The following SMTN variants were observed in gnomAD, a reference collection of about 807,000 sequenced individuals.
The protein encoded by SMTN is smoothelin.
In SMTN, 58 loss-of-function variants were observed where a neutral mutation model predicts 102.0. The observed-to-expected ratio is 0.57, with a 90% CI of 0.46 to 0.71. The LOEUF (loss-of-function observed/expected upper bound fraction) is 0.71. Among genes scored for constraint, SMTN ranks in the 30% least tolerant of loss-of-function variants. The pLI is 0.00. For synonymous variants in SMTN, 478 were observed against 497.9 expected (o/e 0.96, Z 0.53); for missense variants, 1,185 against 1,241.7 (o/e 0.95, Z 0.69).
chr22:31,096,962 T>C (rs1321880720), intron 14 of SMTN, 36 bp from the exon 15 acceptor site: 2 of 1,613,704 alleles, frequency 1.2e-6, no homozygotes, highest in Admixed American at 3.3e-5. Context: ...CAGCCCCCTG[T>C]GCCTTTCACA....
In SMTN at chr22:31,096,774, CG is replaced by C; in HGVS notation, c.1907del (p.Gly636AlafsTer57). 3.8e-6 allele frequency: 6 copies of C among 1,559,944 alleles called. No individual in the cohort carries two copies. Among genetic ancestry groups the C allele is most frequent in the Non-Finnish European group, 5.2e-6 (6 of 1,155,696 alleles). On this transcript the variant is annotated frameshift_variant, in exon 14 of 21. Transcript: ENST00000333137. LOFTEE classifies it high-confidence loss of function. ...KERERRLQEA[R>X]GRPGEGRGNT... ...GCGGGAACGGCGGCTGCAGGAGGCA[CG>C]GGGCCGGCCAGGGGAGGGGCGCGGC...
At chr22:31,087,091 T>C (rs1292956669) in intron 2 of SMTN, 3 of 152,286 alleles carry the variant, frequency 2.0e-5, no homozygotes, top group Non-Finnish European at 2.9e-5. Context: ...AGGGGAACCC[T>C]GGGCCAGTCC....
At chr22:31,075,342 T>C (rs1480547565) in intron 1 of SMTN, among the ~76,000 whole-genome samples, 2 of 152,176 alleles carry the variant, frequency 1.3e-5, no homozygotes, top group African/African-American at 2.4e-5. Flanking sequence ...AATTGAAGGC[T>C]GCCAAGTTCC....
intron 1 of SMTN, 96 bp from the exon 2 acceptor site, chr22:31,083,083 C>T (rs992604201): frequency 7.3e-6 from 11 of 1,498,644 alleles, no homozygotes; most frequent in African/African-American, 6.9e-5. Flanking sequence ...CAGTAATGGA[C>T]GCTCCTAGGT....
chr22:31,097,164 C>T lies in SMTN; in HGVS notation c.2089+104C>T. 3 of 1,496,140 alleles carry T rather than the reference C, an allele frequency of 2.0e-6. 1 individual carries two copies. In the South Asian group the frequency reaches 3.4e-5, roughly 17 times the overall value. The allele number at this position is 1,496,140 out of a possible 1,614,324, so 92.7% of individuals were successfully genotyped here. The stretch of plus-strand genomic sequence containing the variant: ...GTGTCTTCAACTGTGCCGTCACTTT[C>T]TCTTCTCTGCCTGCGGCTATCACCA... On this transcript the variant is annotated intron_variant, in intron 15 of 20. Transcript: ENST00000333137.
intron 1 of SMTN, among the ~76,000 whole-genome samples, chr22:31,075,744 C>T (rs2147500471): frequency 6.6e-6 from 1 of 151,708 alleles, no homozygotes; most frequent in Non-Finnish European, 1.5e-5. Flanking sequence ...AAGTAAGTTA[C>T]TGTGGGCTAA....
intron 2 of SMTN, among the ~76,000 whole-genome samples, chr22:31,087,606 C>G (rs1389084952): frequency 1.3e-5 from 2 of 152,224 alleles, no homozygotes; most frequent in Admixed American, 6.5e-5. Context: ...ACAGGGTGGC[C>G]TCCCTCCTCC....
intron 19 of SMTN, among the ~76,000 whole-genome samples, chr22:31,100,281 C>A (rs1023150541): frequency 8.5e-5 from 13 of 152,118 alleles, no homozygotes; most frequent in African/African-American, 2.4e-4. Flanking sequence ...AAAGGAGGCT[C>A]CTGGCCCGGG....
chr22:31,086,249 C>G (rs2042692530), intron 2 of SMTN, among the ~76,000 whole-genome samples: 1 of 152,226 alleles, frequency 6.6e-6, no homozygotes, highest in South Asian at 2.1e-4. Flanking sequence ...GACACACAGA[C>G]CCCAGTAGCA....
chr22:31,079,054 C>G (rs535848940), upstream of SMTN, among the ~76,000 whole-genome samples: 1 of 152,224 alleles, frequency 6.6e-6, no homozygotes, highest in Admixed American at 6.5e-5. Context: ...GGTGCCTTCA[C>G]CTCCCTGAGC....
At chr22:31,093,825 C>T (rs1360627883) in intron 11 of SMTN, 2 of 1,591,548 alleles carry the variant, frequency 1.3e-6, no homozygotes, top group African/African-American at 2.7e-5. Context: ...ACCCACCTGC[C>T]TTCAGCACCC....
intron 1 of SMTN, 83 bp from the exon 2 acceptor site, chr22:31,083,096 G>C (rs749412777): frequency 3.2e-5 from 49 of 1,527,368 alleles, no homozygotes; most frequent in Non-Finnish European, 4.2e-5. Flanking sequence ...TCCTAGGTTA[G>C]AGAGGGAAAG....
Position 31,088,792 on chromosome 22 carries a change from C to G in SMTN, c.373+15C>G, listed in dbSNP as rs1181328782. On this transcript the variant is annotated intron_variant, in intron 5 of 20. Coordinates refer to ENST00000333137, the MANE Select transcript of SMTN (RefSeq NM_134269.3). Reference sequence around the variant, plus strand: ...GGAGATTGAGGGTATGTGGCCTGTCCCGGCCCCACCCCTGCCCTGCTGTCT... The same window carrying G: ...GGAGATTGAGGGTATGTGGCCTGTCGCGGCCCCACCCCTGCCCTGCTGTCT... The G allele has an allele frequency of 6.2e-7, 1 of 1,611,252 alleles. No individual in the cohort carries two copies. The highest frequency in any genetic ancestry group is 1.1e-5 in the South Asian group (1 of 90,638).
chr22:31,083,385 A>C, intron 2 of SMTN, 76 bp downstream of exon 2: 14 of 1,439,240 alleles, frequency 9.7e-6, no homozygotes, highest in Non-Finnish European at 1.3e-5. Flanking sequence ...GGTACCTCTC[A>C]GCTGACAGGA....
chr22:31,091,236 G>T lies in SMTN; in HGVS notation c.1213G>T (p.Ala405Ser). ...GCAACGAGGAGTAGCCCAGCCCCTG[G>T]CCCAGCTTCGAAGCTGCCCCCAGGA... ...KEQRGVAQPLAQLRSCPQEEG... is the reference protein window; with the variant it reads ...KEQRGVAQPLSQLRSCPQEEG... The change falls in exon 10 of 21, where the codon GCC becomes TCC. Residue 405 changes from alanine (A) to serine (S), a missense_variant. By Grantham distance (99) the Ala-to-Ser change is moderately conservative. This residue lies in a region of SMTN where 1,096 missense variants were observed against 1,112.7 expected (regional missense o/e 0.98). Coordinates refer to ENST00000333137, the MANE Select transcript of SMTN (RefSeq NM_134269.3). 2 of 1,607,896 alleles carry T rather than the reference G, an allele frequency of 1.2e-6. No individual in the cohort carries two copies. Among genetic ancestry groups the T allele is most frequent in the Non-Finnish European group, 8.5e-7 (1 of 1,177,498 alleles).
intron 1 of SMTN, chr22:31,067,491 G>C (rs2041881348): frequency 6.6e-6 from 1 of 150,848 alleles, no homozygotes; most frequent in Non-Finnish European, 1.5e-5. Flanking sequence ...TCCCCCTTAG[G>C]CCTCCCAAAG....
At chr22:31,072,393 T>G (rs887271437) in intron 1 of SMTN, among the ~76,000 whole-genome samples, 9 of 152,212 alleles carry the variant, frequency 5.9e-5, no homozygotes, top group Non-Finnish European at 1.2e-4. Flanking sequence ...TACTGCAAAA[T>G]AGCTACTCAA....
At chr22:31,071,046 T>G (rs903881674) in intron 1 of SMTN, among the ~76,000 whole-genome samples, 1 of 147,202 alleles carries the variant, frequency 6.8e-6, no homozygotes, top group African/African-American at 2.7e-5. Flanking sequence ...TCCAGACCAG[T>G]CTGGGCAACA....
At position 31,097,263 on chromosome 22, in the gene SMTN, T is replaced by C. The variant is rs1254233765; in HGVS notation, c.2090-6T>C. On this transcript the variant is annotated splice_region_variant and splice_polypyrimidine_tract_variant and intron_variant, in intron 15 of 20. Coordinates refer to ENST00000333137, the MANE Select transcript of SMTN (RefSeq NM_134269.3). ...CTCACCTGGTGCCCCTTCCCCTTTT[T>C]TGCAGATGGCAGTGGCAGCACCATG... 5 of 1,613,984 alleles carry C rather than the reference T, an allele frequency of 3.1e-6. No individual in the cohort carries two copies. Among genetic ancestry groups the C allele is most frequent in the Non-Finnish European group, 4.2e-6 (5 of 1,179,974 alleles).
Sources: gnomAD v4.1 joint callset for allele counts (sites outside exome capture counted in the v4.1 genomes callset) on GRCh38, gnomAD v4.1.1 for gene constraint, gnomAD v4.1.1 regional missense constraint, MANE v1.5 for transcripts, NCBI Gene and HGNC (gene_info 2026-07-23, HGNC 2026-07-21) for gene names.